SLC10A7: variants seen among roughly 807,000 people sequenced by gnomAD.
SLC10A7 encodes the protein solute carrier family 10 member 7, also known as sodium/bile acid cotransporter 7.
SLC10A7 carries 29 observed loss-of-function variants against 43.2 expected under a neutral mutation model. That is an observed-to-expected ratio of 0.67 (90% confidence interval 0.50 to 0.92). The LOEUF (loss-of-function observed/expected upper bound fraction) is 0.92, where lower values mean the gene tolerates loss of function less well. Ranked by LOEUF, SLC10A7 falls within the 40% of genes least tolerant of loss-of-function variation. The pLI, the probability that SLC10A7 is intolerant of heterozygous loss-of-function variation, is 0.00. For missense variants in SLC10A7, 295 were observed against 403.2 expected (o/e 0.73, Z 2.30); for synonymous variants, 152 against 144.8 (o/e 1.05, Z -0.35).
chr4:146,264,541 G>C (rs1190028485), intron 10 of SLC10A7, among the ~76,000 whole-genome samples: 1 of 152,104 alleles, frequency 6.6e-6, no homozygotes, highest in Non-Finnish European at 1.5e-5. Context: ...CTAGGTGGTA[G>C]GGATATCAGG....
chr4:146,324,224 A>G (rs1036883308), intron 6 of SLC10A7, among the ~76,000 whole-genome samples: 3 of 152,216 alleles, frequency 2.0e-5, no homozygotes, highest in Non-Finnish European at 4.4e-5. Flanking sequence ...GGAAGAATCA[A>G]TATCGTGAAA....
chr4:146,255,535 T>C lies in SLC10A7; in HGVS notation c.*956A>G, dbSNP rs1368588366. On this transcript the variant is annotated 3_prime_UTR_variant, in exon 12 of 12. Coordinates refer to ENST00000335472, the MANE Select transcript of SLC10A7 (RefSeq NM_001029998.6). ...TCTCAAATACCTTAAGTGTGCTTAA[T>C]TCCAGGATGTAACAGGCTGCTTTTG... 1 of 152,538 alleles carries C rather than the reference T, an allele frequency of 6.6e-6. No homozygotes were observed. The highest frequency in any genetic ancestry group is 1.5e-5 in the Non-Finnish European group (1 of 68,022). 9.4% of individuals were successfully genotyped at this position (152,538 alleles called of 1,614,324 possible).
intron 4 of SLC10A7, among the ~76,000 whole-genome samples, chr4:146,464,863 T>G (rs1688322948): frequency 6.6e-6 from 1 of 152,164 alleles, no homozygotes; most frequent in Non-Finnish European, 1.5e-5. Context: ...GAATTTTTGT[T>G]TCCTTTAAAA....
chr4:146,370,918 A>G (rs550850163), intron 5 of SLC10A7, among the ~76,000 whole-genome samples: 1 of 152,322 alleles, frequency 6.6e-6, no homozygotes, highest in South Asian at 2.1e-4. Flanking sequence ...TACACTATGA[A>G]GAAGGAGAAA....
intron 5 of SLC10A7, among the ~76,000 whole-genome samples, chr4:146,341,927 T>A (rs911787995): frequency 1.3e-5 from 2 of 151,764 alleles, no homozygotes; most frequent in Non-Finnish European, 3.0e-5. Flanking sequence ...CATTAGAAAA[T>A]TTTTAGTTGT....
chr4:146,479,722 T>C (rs1258666197), intron 4 of SLC10A7, among the ~76,000 whole-genome samples: 3 of 152,144 alleles, frequency 2.0e-5, no homozygotes, highest in African/African-American at 4.8e-5. Context: ...AATATGAATA[T>C]ACTTGATGCC....
At chr4:146,461,823 C>T (rs1405225146) in intron 4 of SLC10A7, among the ~76,000 whole-genome samples, 2 of 136,342 alleles carry the variant, frequency 1.5e-5, no homozygotes, top group African/African-American at 2.7e-5. Flanking sequence ...AGTGACCAGG[C>T]TTTTTTTTTT....
At position 146,322,684 on chromosome 4, in the gene SLC10A7, G is replaced by A. The variant is rs1282502309; in HGVS notation, c.471+3277C>T. On this transcript the variant is annotated intron_variant, in intron 6 of 11. Coordinates refer to ENST00000335472, the MANE Select transcript of SLC10A7 (RefSeq NM_001029998.6). ...GTGAATAGTACCACAATAAACATACGTGTGCATGTGTCTTTATAGCAGCAT... is the reference window on the plus strand; with the variant it reads ...GTGAATAGTACCACAATAAACATACATGTGCATGTGTCTTTATAGCAGCAT... Among the ~76,000 whole-genome samples, 9 of 152,116 alleles carry A rather than the reference G, an allele frequency of 5.9e-5. No homozygotes were observed. The South Asian group carries it at 1.7e-3, about 28-fold the overall frequency.
chr4:146,261,329 C>T (rs574373156), intron 10 of SLC10A7, among the ~76,000 whole-genome samples: 8 of 152,312 alleles, frequency 5.3e-5, no homozygotes, highest in Admixed American at 1.3e-4. Flanking sequence ...ACAGCACCAG[C>T]GGGGCAGTGC....
chr4:146,389,883 T>TG (rs1391850693), intron 5 of SLC10A7, among the ~76,000 whole-genome samples: 1 of 152,238 alleles, frequency 6.6e-6, no homozygotes, highest in African/African-American at 2.4e-5. Context: ...TCCCTGGGGC[T>TG]GTTGTTAGAA....
intron 4 of SLC10A7, among the ~76,000 whole-genome samples, chr4:146,469,127 C>T (rs1412709435): frequency 1.3e-5 from 2 of 152,106 alleles, no homozygotes; most frequent in Non-Finnish European, 2.9e-5. Flanking sequence ...TAGGAGGGTA[C>T]GAACAAACCC....
At chr4:146,458,639 T>G (rs2149930400) in intron 4 of SLC10A7, among the ~76,000 whole-genome samples, 1 of 151,980 alleles carries the variant, frequency 6.6e-6, no homozygotes, top group South Asian at 2.1e-4. Context: ...TATTGGCCTA[T>G]CCTCTGCTAT....
intron 5 of SLC10A7, among the ~76,000 whole-genome samples, chr4:146,392,895 A>G (rs1385862429): frequency 6.6e-6 from 1 of 152,006 alleles, no homozygotes; most frequent in African/African-American, 2.4e-5. Context: ...ATCTCAAGCA[A>G]TTCTCCTCTC....
chr4:146,377,552 T>G (rs1302426122), intron 5 of SLC10A7, among the ~76,000 whole-genome samples: 1 of 152,110 alleles, frequency 6.6e-6, no homozygotes, highest in South Asian at 2.1e-4. Flanking sequence ...CATGATAAGG[T>G]CAAGGAAATT....
chr4:146,290,120 C>G (rs908806973), intron 9 of SLC10A7, among the ~76,000 whole-genome samples: 11 of 150,352 alleles, frequency 7.3e-5, no homozygotes, highest in Admixed American at 5.9e-4. Flanking sequence ...GTCAGGAGAT[C>G]CAGACCATCC....
chr4:146,291,825 T>C (rs1352404671), intron 9 of SLC10A7, among the ~76,000 whole-genome samples: 1 of 152,200 alleles, frequency 6.6e-6, no homozygotes, highest in Admixed American at 6.5e-5. Flanking sequence ...TGAATACAGG[T>C]TGGCTTACTG....
intron 5 of SLC10A7, among the ~76,000 whole-genome samples, chr4:146,400,707 CA>C (rs34774465): frequency 6.6e-6 from 1 of 151,860 alleles, no homozygotes; most frequent in South Asian, 2.1e-4. Context: ...TCCAAGGAAC[CA>C]AAAAAGTAGG....
intron 11 of SLC10A7, among the ~76,000 whole-genome samples, chr4:146,257,171 A>C (rs548562690): frequency 1.3e-3 from 203 of 152,388 alleles, no homozygotes; most frequent in Admixed American, 3.9e-3. Context: ...AATTGCACAC[A>C]TATTGATAAA....
At chr4:146,308,088 T>C (rs1306470606) in intron 6 of SLC10A7, among the ~76,000 whole-genome samples, 1 of 152,148 alleles carries the variant, frequency 6.6e-6, no homozygotes, top group African/African-American at 2.4e-5. Context: ...CTATGATCTC[T>C]GATCCACTTG....
Sources: gnomAD v4.1 joint callset for allele counts (sites outside exome capture counted in the v4.1 genomes callset) on GRCh38, gnomAD v4.1.1 for gene constraint, MANE v1.5 for transcripts, NCBI Gene and HGNC (gene_info 2026-07-23, HGNC 2026-07-21) for gene names.